Variants in VAC14 observed in about 807,000 individuals in gnomAD.
The protein encoded by VAC14 is protein VAC14 homolog.
Under a neutral mutation model 85.3 loss-of-function variants are expected in VAC14, and 47 were observed. The ratio of observed to expected loss-of-function variants is 0.55; its 90% CI spans 0.44 to 0.70. The LOEUF is 0.70. Ranked by LOEUF, VAC14 falls within the 30% of genes least tolerant of loss-of-function variation. The pLI is 0.00. For synonymous variants in VAC14, 447 were observed against 430.5 expected, an observed-to-expected ratio of 1.04 and a Z score of -0.47; for missense variants, 861 against 1,004.3, an observed-to-expected ratio of 0.86 and a Z score of 1.93.
intron 12 of VAC14, among the ~76,000 whole-genome samples, chr16:70,745,482 AGTGTGTGT>A (rs145054065): frequency 0.017 from 2,514 of 143,858 alleles, 23 homozygotes; most frequent in Middle Eastern, 0.031. Flanking sequence ...GAGGGGCTTC[AGTGTGTGT>A]GTGTGTGTGT....
rs532163696 is a variant in VAC14, at chr16:70,788,732, C to T, written c.105-2367G>A. 2.2e-4 allele frequency among the ~76,000 whole-genome samples: 34 copies of T among 152,358 alleles called. No homozygotes were observed. The South Asian group carries it at 5.2e-3, about 23-fold the overall frequency. ...AGTGGTAGAATTCTCGCCTGCCATG[C>T]GGGCGGCCGGGCTTCGATTCCTGGC... On this transcript the variant is annotated intron_variant, in intron 1 of 18. Coordinates refer to ENST00000261776, the MANE Select transcript of VAC14 (RefSeq NM_018052.5).
intron 18 of VAC14, chr16:70,690,431 C>T (rs1269715881): frequency 2.0e-6 from 2 of 985,508 alleles, no homozygotes; most frequent in Admixed American, 1.2e-4. Flanking sequence ...GTGGCAAGTC[C>T]AGGACTCAGG....
intron 14 of VAC14, chr16:70,699,362 C>T (rs543194591): frequency 2.6e-5 from 4 of 155,722 alleles, no homozygotes; most frequent in Admixed American, 1.9e-4. Flanking sequence ...GTGGGATCAG[C>T]GTTATGACCC....
At chr16:70,731,443 G>A in intron 14 of VAC14, 52 bp downstream of exon 14, 6 of 1,583,240 alleles carry the variant, frequency 3.8e-6, no homozygotes, top group Non-Finnish European at 5.1e-6. Flanking sequence ...GCGTGAAAGT[G>A]AAAAGCCGGG....
intron 9 of VAC14, among the ~76,000 whole-genome samples, chr16:70,776,385 C>T (rs1314648145): frequency 6.6e-6 from 1 of 152,006 alleles, no homozygotes; most frequent in Non-Finnish European, 1.5e-5. Flanking sequence ...ATTGGGATTA[C>T]AGGCATGAGC....
chr16:70,783,130 A>C lies in VAC14; in HGVS notation c.714T>G (p.Val238=), dbSNP rs199524369. The part of the protein sequence containing the change: ...NGKEIRKMCE[V]VLGEFLKEIK... Reference sequence around the variant, plus strand: ...TTTCTTTTAAGAATTCTCCAAGAACAACCTCACACCTATGAACAAGAACAG... The same window carrying C: ...TTTCTTTTAAGAATTCTCCAAGAACCACCTCACACCTATGAACAAGAACAG... Residue 238 remains valine, a synonymous_variant, in exon 7 of 19, where the codon GTT becomes GTG. Coordinates refer to ENST00000261776, the MANE Select transcript of VAC14 (RefSeq NM_018052.5). 5 of 1,613,978 alleles carry C rather than the reference A, an allele frequency of 3.1e-6. No homozygotes were observed. Among genetic ancestry groups the C allele is most frequent in the Admixed American group, 1.7e-5 (1 of 60,026 alleles).
chr16:70,733,242 G>A (rs537541948), intron 13 of VAC14, among the ~76,000 whole-genome samples: 1 of 152,214 alleles, frequency 6.6e-6, no homozygotes, highest in African/African-American at 2.4e-5. Flanking sequence ...AGCAGTAGGT[G>A]GCTTTTTTCA....
At position 70,762,796 on chromosome 16, in the gene VAC14, C is replaced by G. The variant is rs950828424; in HGVS notation, c.1305+85G>C. On this transcript the variant is annotated intron_variant, in intron 11 of 18. Coordinates refer to ENST00000261776, the MANE Select transcript of VAC14 (RefSeq NM_018052.5). This position sits in a 1 kb window ranked among gnomAD's most constrained non-coding sequence, Gnocchi z 4.1. ...AGGGTTTCCCTAGAAGGGCAATGACCAAAATGCTACCAACTATGGGCAGGC... is the reference window on the plus strand; with the variant it reads ...AGGGTTTCCCTAGAAGGGCAATGACGAAAATGCTACCAACTATGGGCAGGC... The G allele has an allele frequency of 2.5e-6, 4 of 1,596,960 alleles. No homozygotes were observed. The African/African-American group carries it at 4.0e-5, about 16-fold the overall frequency.
At chr16:70,701,128 C>G (rs772524810) in intron 14 of VAC14, among the ~76,000 whole-genome samples, 1 of 152,188 alleles carries the variant, frequency 6.6e-6, no homozygotes, top group South Asian at 2.1e-4. Flanking sequence ...ATACCACCCT[C>G]TCCTGGTTTT....
chr16:70,692,805 C>A lies in VAC14; in HGVS notation c.2186+16G>T, dbSNP rs375334608. On this transcript the variant is annotated intron_variant, in intron 18 of 18. Transcript: ENST00000261776. ...TGCTCAGGGGGCGGGGGCAGCAGTC[C>A]CCAGCCGGCACTCACTCGGTCTGCA... is the stretch of plus-strand genomic sequence containing the variant. 1.9e-6 allele frequency: 3 copies of A among 1,591,712 alleles called. No homozygotes were observed. In the African/African-American group the frequency reaches 4.0e-5, roughly 21 times the overall value.
Position 70,775,538 on chromosome 16 carries a change from C to A in VAC14, c.1097-3366G>T, listed in dbSNP as rs1321432714. Among the ~76,000 whole-genome samples, 9 of 152,224 alleles carry A rather than the reference C, an allele frequency of 5.9e-5. No individual in the cohort carries two copies. The East Asian group carries it at 1.7e-3, about 29-fold the overall frequency. ...ATTTCCATGTCTGTACTGCTGCCTG[C>A]CCCCTGTAGACCCAGGACGCAGCTC... On this transcript the variant is annotated intron_variant, in intron 9 of 18. Coordinates refer to ENST00000261776, the MANE Select transcript of VAC14 (RefSeq NM_018052.5).
intron 17 of VAC14, among the ~76,000 whole-genome samples, chr16:70,693,692 G>A (rs62047963): frequency 3.9e-5 from 6 of 152,222 alleles, no homozygotes; most frequent in African/African-American, 1.4e-4. Flanking sequence ...TCCCCAAGGC[G>A]CACAGGGGAG....
rs547321193 is a variant in VAC14, at chr16:70,724,067, C to T, written c.1661+7428G>A. Among the ~76,000 whole-genome samples, 3 of 152,330 alleles carry T rather than the reference C, an allele frequency of 2.0e-5. No homozygotes were observed. The South Asian group carries it at 6.2e-4, about 32-fold the overall frequency. The stretch of plus-strand genomic sequence containing the variant: ...GCCCTGCTCAAAGCCCAGTGGACCC[C>T]GCAAACACCAAGATGCCACCCCTTT... On this transcript the variant is annotated intron_variant, in intron 14 of 18. Transcript: ENST00000261776.
At chr16:70,696,145 C>T (rs115055011) in intron 16 of VAC14, among the ~76,000 whole-genome samples, 2,887 of 152,302 alleles carry the variant, frequency 0.019, 96 homozygotes, top group African/African-American at 0.066. Flanking sequence ...GTCATGTTGC[C>T]TTCTAAATAG....
chr16:70,743,081 G>A (rs1168075210), intron 13 of VAC14, among the ~76,000 whole-genome samples: 1 of 151,738 alleles, frequency 6.6e-6, no homozygotes, highest in African/African-American at 2.4e-5. Flanking sequence ...GCACCAATCA[G>A]CACTCTGTAA....
At chr16:70,800,637 G>A (rs1343309192) in intron 1 of VAC14, among the ~76,000 whole-genome samples, 160 bp downstream of exon 1, 1 of 152,220 alleles carries the variant, frequency 6.6e-6, no homozygotes, top group Non-Finnish European at 1.5e-5. Context: ...GTAAAGCAGG[G>A]ACTCCCAGAT....
At chr16:70,773,663 G>C (rs1461357704) in intron 9 of VAC14, among the ~76,000 whole-genome samples, 1 of 152,156 alleles carries the variant, frequency 6.6e-6, no homozygotes, top group Non-Finnish European at 1.5e-5. Flanking sequence ...AATAATTTTA[G>C]ATGTACAGAA....
intron 1 of VAC14, among the ~76,000 whole-genome samples, chr16:70,797,347 T>C (rs766567800): frequency 2.0e-5 from 3 of 152,136 alleles, no homozygotes; most frequent in Non-Finnish European, 4.4e-5. Context: ...TAATACAGGA[T>C]AATCTCTCTA....
chr16:70,766,674 C>T (rs573553188), intron 10 of VAC14: 2 of 344,274 alleles, frequency 5.8e-6, no homozygotes, highest in South Asian at 2.2e-5. Context: ...AGACACTCTC[C>T]CTGGGCTTTT....
Sources: gnomAD v4.1 joint callset for allele counts (sites outside exome capture counted in the v4.1 genomes callset) on GRCh38, gnomAD v4.1.1 for gene constraint, Gnocchi (gnomAD v3.1) non-coding constraint, MANE v1.5 for transcripts, NCBI Gene and HGNC (gene_info 2026-07-23, HGNC 2026-07-21) for gene names.